Variants in TMEFF1 observed in about 807,000 individuals in gnomAD.
The protein encoded by TMEFF1 is tomoregulin-1.
In TMEFF1, 20 loss-of-function variants were observed where a neutral mutation model predicts 47.5. The ratio of observed to expected loss-of-function variants is 0.42; its 90% CI spans 0.30 to 0.61. The LOEUF is 0.61. Ranked by LOEUF, TMEFF1 falls within the 20% of genes least tolerant of loss-of-function variation. The probability of loss-of-function intolerance (pLI) is 0.19; values close to 1 mark genes in which losing one functional copy is unlikely to be tolerated. For synonymous variants in TMEFF1, 162 were observed against 166.3 expected (o/e 0.97, Z 0.20); for missense variants, 411 against 471.1 (o/e 0.87, Z 1.18).
At chr9:100,508,871 CA>C (rs35051442) in intron 2 of TMEFF1, 133 bp from the exon 3 acceptor site, 135,606 of 946,616 alleles carry the variant, frequency 0.14, 148 homozygotes, top group East Asian at 0.19. Flanking sequence ...CTTTTTAAGC[CA>C]AAAAAAAAAA....
intron 1 of TMEFF1, among the ~76,000 whole-genome samples, chr9:100,490,571 A>G (rs1837529151): frequency 6.6e-6 from 1 of 152,194 alleles, no homozygotes; most frequent in South Asian, 2.1e-4. Context: ...AATCATTACA[A>G]TATCAAAGGA....
intron 3 of TMEFF1, among the ~76,000 whole-genome samples, chr9:100,511,375 C>G (rs1360180940): frequency 6.6e-6 from 1 of 152,138 alleles, no homozygotes; most frequent in African/African-American, 2.4e-5. Flanking sequence ...TAACTCCAAC[C>G]CTTATTTACT....
chr9:100,521,550 C>T (rs1838160213), intron 5 of TMEFF1, among the ~76,000 whole-genome samples: 1 of 152,114 alleles, frequency 6.6e-6, no homozygotes, highest in Admixed American at 6.5e-5. Flanking sequence ...AGTACCACAC[C>T]CCCTCACTTT....
At chr9:100,554,432 G>C (rs777111528) in intron 7 of TMEFF1, among the ~76,000 whole-genome samples, 69 of 152,048 alleles carry the variant, frequency 4.5e-4, no homozygotes, top group Non-Finnish European at 8.2e-4. Flanking sequence ...AGTGACAGTG[G>C]CGAGCACATC....
chr9:100,508,945 T>G, intron 2 of TMEFF1, 60 bp from the exon 3 acceptor site: 2 of 1,447,786 alleles, frequency 1.4e-6, no homozygotes, highest in Non-Finnish European at 1.8e-6. Flanking sequence ...TTCATGAATG[T>G]GAAATAAACT....
At chr9:100,479,909 G>C (rs1480029295) in intron 1 of TMEFF1, among the ~76,000 whole-genome samples, 1 of 152,142 alleles carries the variant, frequency 6.6e-6, no homozygotes, top group Non-Finnish European at 1.5e-5. Context: ...TGGTCATATG[G>C]TAACTCTGTG....
chr9:100,509,561 C>T (rs1310573909), intron 3 of TMEFF1, among the ~76,000 whole-genome samples: 4 of 152,024 alleles, frequency 2.6e-5, no homozygotes, highest in African/African-American at 9.7e-5. Flanking sequence ...ATTACGAGGT[C>T]AGGAGATTGA....
chr9:100,509,283 A>G (rs1240398856), intron 3 of TMEFF1, 149 bp downstream of exon 3: 2 of 1,205,988 alleles, frequency 1.7e-6, no homozygotes, highest in Admixed American at 7.9e-5. Context: ...TTTTGCCCTC[A>G]TTTCAGGTTG....
intron 1 of TMEFF1, among the ~76,000 whole-genome samples, chr9:100,476,870 G>A (rs1038515505): frequency 6.6e-6 from 1 of 151,626 alleles, no homozygotes; most frequent in South Asian, 2.1e-4. Flanking sequence ...CTAATTTTTT[G>A]TATTTTTAGT....
At chr9:100,515,652 G>A (rs1274574427) in intron 4 of TMEFF1, among the ~76,000 whole-genome samples, 1 of 151,986 alleles carries the variant, frequency 6.6e-6, no homozygotes, top group Non-Finnish European at 1.5e-5. Flanking sequence ...TGGGCATGGT[G>A]GTGTGAACCT....
chr9:100,498,736 A>G lies in TMEFF1; in HGVS notation c.197-29A>G, dbSNP rs749767024. 9 of 1,609,912 alleles carry G rather than the reference A, an allele frequency of 5.6e-6. No individual in the cohort carries two copies. The African/African-American group carries it at 8.0e-5, about 14-fold the overall frequency. The stretch of plus-strand genomic sequence containing the variant: ...ACACACGTAATAAAAAGCCAAATAT[A>G]TATGTCAAACAATTTTTTTCTTTTG... On this transcript the variant is annotated intron_variant, in intron 1 of 9. Transcript: ENST00000374879.
intron 1 of TMEFF1, among the ~76,000 whole-genome samples, chr9:100,486,389 C>T (rs533329967): frequency 4.0e-5 from 6 of 151,494 alleles, no homozygotes; most frequent in East Asian, 3.9e-4. Flanking sequence ...ATTACCGGCG[C>T]GTGCCACCAT....
intron 5 of TMEFF1, among the ~76,000 whole-genome samples, chr9:100,519,777 T>C (rs1838131655): frequency 1.3e-5 from 2 of 151,928 alleles, no homozygotes; most frequent in South Asian, 2.1e-4. Context: ...TTTTAAATTC[T>C]GTTAGTTCTT....
intron 7 of TMEFF1, among the ~76,000 whole-genome samples, chr9:100,560,331 G>A (rs1234786198): frequency 6.6e-6 from 1 of 152,116 alleles, no homozygotes; most frequent in Non-Finnish European, 1.5e-5. Flanking sequence ...TAAGAGGGTA[G>A]TATACTGCAG....
chr9:100,481,225 G>GT (rs1381310873), intron 1 of TMEFF1, among the ~76,000 whole-genome samples: 2 of 150,608 alleles, frequency 1.3e-5, no homozygotes. Flanking sequence ...CATACTATAC[G>GT]TTTTACTTGT....
intron 2 of TMEFF1, among the ~76,000 whole-genome samples, chr9:100,499,270 A>G (rs1026366181): frequency 1.3e-5 from 2 of 152,028 alleles, no homozygotes; most frequent in Non-Finnish European, 2.9e-5. Context: ...TCATCTCTTC[A>G]GGCCACAGAA....
At chr9:100,481,249 A>G (rs991899401) in intron 1 of TMEFF1, among the ~76,000 whole-genome samples, 1 of 152,180 alleles carries the variant, frequency 6.6e-6, no homozygotes, top group South Asian at 2.1e-4. Context: ...CTGTCTCTGT[A>G]TGTAGCTCTA....
chr9:100,483,934 G>A (rs1484285817), intron 1 of TMEFF1, among the ~76,000 whole-genome samples: 1 of 151,736 alleles, frequency 6.6e-6, no homozygotes, highest in African/African-American at 2.4e-5. Flanking sequence ...ATAATGATAG[G>A]TTTATTTTTC....
At chr9:100,487,258 G>T (rs1238762483) in intron 1 of TMEFF1, among the ~76,000 whole-genome samples, 1 of 152,020 alleles carries the variant, frequency 6.6e-6, no homozygotes, top group Non-Finnish European at 1.5e-5. Context: ...CTACCTCCTG[G>T]GTTCAAGCAA....
Sources: allele counts gnomAD v4.1 joint callset (sites outside exome capture counted in the v4.1 genomes callset), GRCh38; gene constraint gnomAD v4.1.1; transcripts MANE v1.5; gene names NCBI Gene and HGNC (gene_info 2026-07-23, HGNC 2026-07-21).